Variants in HMX1 observed in about 807,000 individuals in gnomAD.
HMX1 encodes homeobox protein HMX1.
A neutral mutation model predicts 8.9 loss-of-function variants in HMX1; 8 were observed. That is an observed-to-expected ratio of 0.90 (90% CI 0.53 to 1.63). The LOEUF is 1.63. HMX1 is among the 40% of genes most tolerant of loss of function. The pLI is 0.00. For missense variants in HMX1, 621 were observed against 558.5 expected (o/e 1.11, Z -1.13); for synonymous variants, 311 against 283.4 (o/e 1.10, Z -0.98).
intron 1 of HMX1, among the ~76,000 whole-genome samples, chr4:8,859,979 TG>T (rs1465867189): frequency 2.0e-5 from 3 of 152,214 alleles, no homozygotes; most frequent in Non-Finnish European, 2.9e-5. Flanking sequence ...CAACTGCCCG[TG>T]GTGGGAGTGG....
Position 8,871,131 on chromosome 4 carries a change from G to C in HMX1, c.394+90C>G. 4.9e-6 allele frequency: 6 copies of C among 1,223,170 alleles called. No individual in the cohort carries two copies. The highest frequency in any genetic ancestry group is 6.2e-6 in the Non-Finnish European group (6 of 963,312). The allele number at this position is 1,223,170 out of a possible 1,614,324, so 75.8% of individuals were successfully genotyped here. Reference sequence around the variant, plus strand: ...AGAAGGGAGAGGATGGCCCAGAACGGGCGGCGACGAGCCCGAAGTCCCCCA... The same window carrying C: ...AGAAGGGAGAGGATGGCCCAGAACGCGCGGCGACGAGCCCGAAGTCCCCCA... On this transcript the variant is annotated intron_variant, in intron 1 of 1. Transcript: ENST00000400677. This position sits in a 1 kb window ranked among gnomAD's most constrained non-coding sequence, Gnocchi z 4.8.
Position 8,871,090 on chromosome 4 carries a change from C to G in HMX1, c.394+131G>C. On this transcript the variant is annotated intron_variant, in intron 1 of 1. Transcript: ENST00000400677. This position sits in a 1 kb window ranked among gnomAD's most constrained non-coding sequence, Gnocchi z 4.8. ...GGGGCTCCTGGGGGCCCCACAAGGCCCAGACGCCGTTCCACAGAAGGGAGA... is the reference window on the plus strand; with the variant it reads ...GGGGCTCCTGGGGGCCCCACAAGGCGCAGACGCCGTTCCACAGAAGGGAGA... 1 of 1,061,360 alleles carries G rather than the reference C, an allele frequency of 9.4e-7. No individual in the cohort carries two copies. The highest frequency in any genetic ancestry group is 2.5e-5 in the South Asian group (1 of 40,718). The allele number at this position is 1,061,360 out of a possible 1,614,324, so 65.7% of individuals were successfully genotyped here.
intron 1 of HMX1, among the ~76,000 whole-genome samples, chr4:8,850,065 C>A (rs556406678): frequency 6.6e-6 from 1 of 152,210 alleles, no homozygotes; most frequent in African/African-American, 2.4e-5. Flanking sequence ...ACGTGGCAAG[C>A]CTGGCACCTG....
rs1722117920 is a variant in HMX1, at chr4:8,868,813, C to T, written c.395-468G>A. Among the ~76,000 whole-genome samples the T allele has an allele frequency of 1.3e-5, 2 of 152,160 alleles. No individual in the cohort carries two copies. The highest frequency in any genetic ancestry group is 2.1e-4 in the South Asian group (1 of 4,820). On this transcript the variant is annotated intron_variant, in intron 1 of 1. Coordinates refer to ENST00000400677, the MANE Select transcript of HMX1 (RefSeq NM_018942.3). The surrounding 1 kb of genome is among the most constrained non-coding windows in gnomAD (Gnocchi z 4.6). Reference sequence around the variant, plus strand: ...TTCACACCGAAAAACAAGCACAGGACACCCCCTGCCACCTGGCATCCAGCC... The same window carrying T: ...TTCACACCGAAAAACAAGCACAGGATACCCCCTGCCACCTGGCATCCAGCC...
chr4:8,863,338 G>A (rs1449071432), downstream of HMX1, among the ~76,000 whole-genome samples: 2 of 152,210 alleles, frequency 1.3e-5, no homozygotes, highest in Non-Finnish European at 2.9e-5. Context: ...TTGGGGGAGA[G>A]GCACTGACAG....
At position 8,870,287 on chromosome 4, in the gene HMX1, G is replaced by T. The variant is rs1722168806; in HGVS notation, c.394+934C>A. ...ACTGGCTTTCCTGGCCTTCCTCCCA[G>T]GGGTCTTCCTAAAGGGCAGGTACAA... On this transcript the variant is annotated intron_variant, in intron 1 of 1. Coordinates refer to ENST00000400677, the MANE Select transcript of HMX1 (RefSeq NM_018942.3). The surrounding 1 kb of genome is among the most constrained non-coding windows in gnomAD (Gnocchi z 4.4). Among the ~76,000 whole-genome samples the T allele has an allele frequency of 6.6e-6, 1 of 152,022 alleles. No homozygotes were observed. Among genetic ancestry groups the T allele is most frequent in the African/African-American group, 2.4e-5 (1 of 41,358 alleles).
At chr4:8,854,554 TC>T (rs1291080920) in intron 1 of HMX1, among the ~76,000 whole-genome samples, 1 of 152,198 alleles carries the variant, frequency 6.6e-6, no homozygotes, top group African/African-American at 2.4e-5. Flanking sequence ...GCCAGCCTGC[TC>T]CCTGTGGAAT....
chr4:8,862,620 C>T (rs560843193), downstream of HMX1, among the ~76,000 whole-genome samples: 11 of 152,244 alleles, frequency 7.2e-5, no homozygotes, highest in East Asian at 1.9e-4. Flanking sequence ...AATAACAATA[C>T]GGCTTAAGTT....
At chr4:8,866,572 C>T (rs1722003525), downstream of HMX1, among the ~76,000 whole-genome samples, 1 of 152,178 alleles carries the variant, frequency 6.6e-6, no homozygotes, top group South Asian at 2.1e-4. Flanking sequence ...CTCCAGCTGA[C>T]CAGAGACCAG....
chr4:8,846,294 T>C (rs771124956), exon 2 of HMX1: 36 of 1,535,190 alleles, frequency 2.3e-5, no homozygotes, highest in Non-Finnish European at 2.8e-5. Context: ...CTCTCCACAC[T>C]GCACAGGCTG....
At position 8,867,759 on chromosome 4, in the gene HMX1, C is replaced by CG. The variant is rs1722055101; in HGVS notation, c.980dup (p.Leu328AlafsTer52). 2 of 1,283,368 alleles carry CG rather than the reference C, an allele frequency of 1.6e-6. No homozygotes were observed. The highest frequency in any genetic ancestry group is 2.0e-6 in the Non-Finnish European group (2 of 1,018,668). 79.5% of individuals were successfully genotyped at this position (1,283,368 alleles called of 1,614,324 possible). A position where few individuals can be genotyped will look rare whatever the true frequency, so the allele number is the denominator to read the frequency against. Reference sequence around the variant, plus strand: ...AGGCGGCGGCCGGGAAGGCGGCCAGCGGGTAGGCGAGGGCCCCGGAGAAGC... The same window carrying CG: ...AGGCGGCGGCCGGGAAGGCGGCCAGCGGGGTAGGCGAGGGCCCCGGAGAAGC... On this transcript the variant is annotated frameshift_variant, in exon 2 of 2. Transcript: ENST00000400677. LOFTEE classifies it low-confidence loss of function (END_TRUNC).
intron 1 of HMX1, among the ~76,000 whole-genome samples, chr4:8,861,612 C>G (rs1290832150): frequency 6.6e-6 from 1 of 152,112 alleles, no homozygotes; most frequent in African/African-American, 2.4e-5. Flanking sequence ...GGCGGAGCCC[C>G]GGGGGCACGG....
In HMX1 at chr4:8,867,215, G is replaced by C. The variant is rs1722026509; in HGVS notation, c.*478C>G. On this transcript the variant is annotated 3_prime_UTR_variant, in exon 2 of 2. Coordinates refer to ENST00000400677, the MANE Select transcript of HMX1 (RefSeq NM_018942.3). Reference sequence around the variant, plus strand: ...TTTCTCCACCAGCACCCGCGAGAGGGGTAGCACAGCCCTCCGGGCCGGCCT... The same window carrying C: ...TTTCTCCACCAGCACCCGCGAGAGGCGTAGCACAGCCCTCCGGGCCGGCCT... The C allele has an allele frequency of 1.0e-6, 1 of 985,816 alleles. No individual in the cohort carries two copies. Among genetic ancestry groups the C allele is most frequent in the African/African-American group, 1.7e-5 (1 of 57,282 alleles). The allele number at this position is 985,816 out of a possible 1,614,324, so 61.1% of individuals were successfully genotyped here. A position where few individuals can be genotyped will look rare whatever the true frequency, so the allele number is the denominator to read the frequency against.
intron 1 of HMX1, among the ~76,000 whole-genome samples, chr4:8,852,104 G>C (rs1721467146): frequency 6.6e-6 from 1 of 152,236 alleles, no homozygotes; most frequent in Non-Finnish European, 1.5e-5. Context: ...TGGCTCCAAG[G>C]GGCTGTGGGC....
Position 8,868,209 on chromosome 4 carries a change from C to A in HMX1, c.531G>T (p.Glu177Asp). ...LAARGPAAGT[E>D]EASELAEVPA... The stretch of plus-strand genomic sequence containing the variant: ...GGACCTCGGCCAGCTCCGACGCCTC[C>A]TCCGTGCCGGCCGCCGGGCCACGCG... Residue 177 changes from glutamate to aspartate, a missense_variant, in exon 2 of 2, where the codon GAG becomes GAT. Physicochemically the swap from Glu to Asp is conservative, Grantham distance 45. Coordinates refer to ENST00000400677, the MANE Select transcript of HMX1 (RefSeq NM_018942.3). This position sits in a 1 kb window ranked among gnomAD's most constrained non-coding sequence, Gnocchi z 4.6. 6.9e-7 allele frequency: 1 copy of A among 1,459,222 alleles called. No homozygotes were observed. The highest frequency in any genetic ancestry group is 9.0e-7 in the Non-Finnish European group (1 of 1,110,602). 90.4% of individuals were successfully genotyped at this position (1,459,222 alleles called of 1,614,324 possible). A position where few individuals can be genotyped will look rare whatever the true frequency, so the allele number is the denominator to read the frequency against.
intron 1 of HMX1, among the ~76,000 whole-genome samples, chr4:8,850,853 G>A (rs1017688445): frequency 1.3e-5 from 2 of 152,210 alleles, no homozygotes; most frequent in African/African-American, 2.4e-5. Context: ...GACTGTTGCC[G>A]CCAGTGTTGT....
At position 8,868,089 on chromosome 4, in the gene HMX1, C is replaced by G. The variant is rs755963149; in HGVS notation, c.651G>C (p.Gln217His). The change falls in exon 2 of 2, where the codon CAG (glutamine) becomes CAC (histidine). Residue 217 changes from glutamine to histidine, a missense_variant. Gln to His is a conservative substitution (Grantham distance 24, BLOSUM62 0). Transcript: ENST00000400677. The surrounding 1 kb of genome is among the most constrained non-coding windows in gnomAD (Gnocchi z 4.6). ...GCTTCAGGTCGAAGGTGGATTCCAG[C>G]TGGAAGACCTGGCTGCGGGAGAAGA... Reference protein sequence around the residue: ...RTVFSRSQVFQLESTFDLKRY... With the variant: ...RTVFSRSQVFHLESTFDLKRY... The G allele has an allele frequency of 1.3e-6, 2 of 1,520,858 alleles. No individual in the cohort carries two copies. Among genetic ancestry groups the G allele is most frequent in the Admixed American group, 4.0e-5 (2 of 49,414 alleles). The allele number at this position is 1,520,858 out of a possible 1,614,324, so 94.2% of individuals were successfully genotyped here. A position where few individuals can be genotyped will look rare whatever the true frequency, so the allele number is the denominator to read the frequency against.
intron 1 of HMX1, among the ~76,000 whole-genome samples, chr4:8,859,985 G>A (rs551600765): frequency 1.3e-5 from 2 of 152,346 alleles, no homozygotes; most frequent in East Asian, 1.9e-4. Flanking sequence ...CCCGTGGTGG[G>A]AGTGGAGGGC....
chr4:8,860,276 G>A (rs959579054), intron 1 of HMX1, among the ~76,000 whole-genome samples: 39 of 152,338 alleles, frequency 2.6e-4, no homozygotes, highest in African/African-American at 8.4e-4. Context: ...CAGGAGTCCG[G>A]GCACAGGCTG....
Sources: gnomAD v4.1 joint callset for allele counts (sites outside exome capture counted in the v4.1 genomes callset) on GRCh38, gnomAD v4.1.1 for gene constraint, Gnocchi (gnomAD v3.1) non-coding constraint, MANE v1.5 for transcripts, NCBI Gene and HGNC (gene_info 2026-07-23, HGNC 2026-07-21) for gene names.